VTI1A: variants seen among roughly 807,000 people sequenced by gnomAD.
VTI1A encodes vesicle transport through interaction with t-SNAREs 1A.
A neutral mutation model predicts 34.9 loss-of-function variants in VTI1A; 22 were observed. The observed-to-expected ratio is 0.63, with a 90% CI of 0.45 to 0.90. The LOEUF is 0.90. Among genes scored for constraint, VTI1A ranks in the 40% least tolerant of loss-of-function variants. The probability of loss-of-function intolerance (pLI) is 0.00; values close to 1 mark genes in which losing one functional copy is unlikely to be tolerated. For synonymous variants in VTI1A, 87 were observed against 97.3 expected (o/e 0.89, Z 0.62); for missense variants, 268 against 275.6 (o/e 0.97, Z 0.20).
In VTI1A at chr10:112,712,157, T is replaced by G. The variant is rs1201988358; in HGVS notation, c.560+43159T>G. Among the ~76,000 whole-genome samples the G allele has an allele frequency of 2.6e-5, 4 of 152,170 alleles. 1 individual carries two copies. The highest frequency in any genetic ancestry group is 5.9e-5 in the Non-Finnish European group (4 of 68,032). ...TGCTGTTCCATCCTCTTCAGATATA[T>G]CCTGCCTGGATATCTTCATTCTTCT... On this transcript the variant is annotated intron_variant, in intron 7 of 7. Transcript: ENST00000393077.
intron 7 of VTI1A, among the ~76,000 whole-genome samples, chr10:112,710,698 G>T (rs1388220070): frequency 1.3e-5 from 2 of 152,026 alleles, no homozygotes; most frequent in Admixed American, 6.6e-5. Context: ...TTTTTTTCCC[G>T]GGTCAGTAGC....
intron 3 of VTI1A, among the ~76,000 whole-genome samples, chr10:112,488,034 G>A (rs1436594225): frequency 6.6e-6 from 1 of 152,090 alleles, no homozygotes; most frequent in East Asian, 1.9e-4. Context: ...TTGGCTTATT[G>A]GGTCACATTT....
At chr10:112,834,456 G>C in the VTI1A span, among the ~76,000 whole-genome samples, 2 of 152,266 alleles carry the variant, frequency 1.3e-5, no homozygotes, top group East Asian at 1.9e-4. Flanking sequence ...TTCCCAAAGA[G>C]ACACCATCCC....
chr10:112,679,820 G>A (rs952454071), intron 7 of VTI1A, among the ~76,000 whole-genome samples: 2 of 151,216 alleles, frequency 1.3e-5, no homozygotes, highest in African/African-American at 4.9e-5. Flanking sequence ...AAAGATGTCC[G>A]AATCAGGTCC....
intron 3 of VTI1A, among the ~76,000 whole-genome samples, chr10:112,514,773 C>A (rs1398260886): frequency 1.3e-5 from 2 of 151,940 alleles, no homozygotes; most frequent in African/African-American, 2.4e-5. Context: ...TACTATTTAA[C>A]AAAATGTAGC....
At chr10:112,749,997 T>A (rs1851044974) in intron 7 of VTI1A, among the ~76,000 whole-genome samples, 1 of 152,162 alleles carries the variant, frequency 6.6e-6, no homozygotes, top group Non-Finnish European at 1.5e-5. Context: ...ATTATGCATG[T>A]TGATATATAT....
In VTI1A at chr10:112,737,110, C is replaced by T. The variant is rs192015947; in HGVS notation, c.560+68112C>T. The T allele has an allele frequency of 1.4e-3, 416 of 297,258 alleles. 1 individual carries two copies. The highest frequency in any genetic ancestry group is 1.8e-3 in the Non-Finnish European group (288 of 159,528). The allele number at this position is 297,258 out of a possible 1,614,324, so 18.4% of individuals were successfully genotyped here. ...TTTTTGAGACAGAGTCTTGCCCTGT[C>T]GCCTGGCTGGAGTGGAGTGGCACAA... On this transcript the variant is annotated intron_variant, in intron 7 of 7. Coordinates refer to ENST00000393077, the MANE Select transcript of VTI1A (RefSeq NM_145206.4).
chr10:112,614,882 T>C (rs1035111796), intron 5 of VTI1A, among the ~76,000 whole-genome samples: 1 of 152,170 alleles, frequency 6.6e-6, no homozygotes, highest in Non-Finnish European at 1.5e-5. Flanking sequence ...CAGATGAGAA[T>C]AGGGACACAA....
chr10:112,569,011 C>T (rs988566258), intron 5 of VTI1A, among the ~76,000 whole-genome samples: 2 of 151,908 alleles, frequency 1.3e-5, no homozygotes, highest in East Asian at 1.9e-4. Flanking sequence ...AAAAATCATC[C>T]GGGTGTGGTG....
At chr10:112,622,838 A>C (rs1401453710) in intron 5 of VTI1A, among the ~76,000 whole-genome samples, 2 of 152,236 alleles carry the variant, frequency 1.3e-5, no homozygotes. Context: ...AAATAAGAAT[A>C]GGCTGTTACT....
the VTI1A span, among the ~76,000 whole-genome samples, chr10:112,843,631 G>T: frequency 6.6e-6 from 1 of 152,132 alleles, no homozygotes; most frequent in African/African-American, 2.4e-5. Context: ...CATAAACCTG[G>T]TGCTCAAGAG....
intron 3 of VTI1A, among the ~76,000 whole-genome samples, chr10:112,504,527 C>T (rs1849358739): frequency 1.3e-5 from 2 of 152,062 alleles, no homozygotes; most frequent in South Asian, 4.1e-4. Flanking sequence ...TTAATGGTCC[C>T]ATTGTATGGA....
chr10:112,559,528 C>T (rs1484911756), intron 5 of VTI1A, among the ~76,000 whole-genome samples: 1 of 151,932 alleles, frequency 6.6e-6, no homozygotes, highest in Non-Finnish European at 1.5e-5. Context: ...CACTGCAGGC[C>T]TCCTTCCCAC....
intron 5 of VTI1A, among the ~76,000 whole-genome samples, chr10:112,549,027 G>C (rs1013000616): frequency 2.6e-5 from 4 of 151,938 alleles, no homozygotes; most frequent in African/African-American, 9.7e-5. Flanking sequence ...AGTGTTCACT[G>C]TGCCAGGTAC....
At chr10:112,717,267 C>A (rs1590108958) in intron 7 of VTI1A, among the ~76,000 whole-genome samples, 1 of 152,222 alleles carries the variant, frequency 6.6e-6, no homozygotes, top group African/African-American at 2.4e-5. Context: ...TGTGCCCTTT[C>A]TATTGTTGAT....
At chr10:112,672,859 T>C (rs985041929) in intron 7 of VTI1A, 3 of 152,192 alleles carry the variant, frequency 2.0e-5, no homozygotes, top group Admixed American at 2.0e-4. Flanking sequence ...GAGTTAATGA[T>C]TGATCACTAA....
At chr10:112,563,601 G>A (rs988888034) in intron 5 of VTI1A, among the ~76,000 whole-genome samples, 2 of 152,116 alleles carry the variant, frequency 1.3e-5, no homozygotes, top group African/African-American at 2.4e-5. Context: ...ACATTAACAC[G>A]CTTGAGGAAA....
At chr10:112,736,670 C>T (rs1590133088) in intron 7 of VTI1A, 1 of 1,550,428 alleles carries the variant, frequency 6.4e-7, no homozygotes, top group East Asian at 2.4e-5. Context: ...GTGCATTTAG[C>T]AATGAGGGAT....
intron 5 of VTI1A, among the ~76,000 whole-genome samples, chr10:112,540,188 G>A (rs1165831914): frequency 1.3e-5 from 2 of 152,078 alleles, no homozygotes; most frequent in Non-Finnish European, 2.9e-5. Context: ...AAAGAAGATC[G>A]CAGATACCAA....
Sources: gnomAD v4.1 joint callset for allele counts (sites outside exome capture counted in the v4.1 genomes callset) on GRCh38, gnomAD v4.1.1 for gene constraint, MANE v1.5 for transcripts, NCBI Gene and HGNC (gene_info 2026-07-23, HGNC 2026-07-21) for gene names.